The following AJAP1 variants were observed in gnomAD, a reference collection of about 807,000 sequenced individuals.
AJAP1 encodes the protein adherens junctions associated protein 1.
Under a neutral mutation model 35.0 loss-of-function variants are expected in AJAP1, and 5 were observed. The observed-to-expected ratio is 0.14, with a 90% confidence interval of 0.07 to 0.30. The LOEUF is 0.30. AJAP1 is among the 10% of genes least tolerant of loss of function. AJAP1 has a pLI of 1.00. For synonymous variants in AJAP1, 284 were observed against 249.3 expected (o/e 1.14, Z -1.31); for missense variants, 586 against 571.0 (o/e 1.03, Z -0.27).
At chr1:4,697,656 G>T (rs764830966) in intron 1 of AJAP1, among the ~76,000 whole-genome samples, 7 of 152,240 alleles carry the variant, frequency 4.6e-5, no homozygotes, top group Non-Finnish European at 8.8e-5. Flanking sequence ...CCTTGGGCAG[G>T]TGCGCCACCA....
At chr1:4,742,113 G>A (rs1641081447) in intron 2 of AJAP1, among the ~76,000 whole-genome samples, 1 of 152,188 alleles carries the variant, frequency 6.6e-6, no homozygotes, top group Non-Finnish European at 1.5e-5. Flanking sequence ...GGTGAACGTT[G>A]GATGGCAAAT....
chr1:4,744,946 G>C (rs1641156835), intron 2 of AJAP1, among the ~76,000 whole-genome samples: 1 of 152,048 alleles, frequency 6.6e-6, no homozygotes, highest in Non-Finnish European at 1.5e-5. Context: ...TCGGGGCTGG[G>C]AGGCTCCTGA....
chr1:4,703,926 C>T (rs1025830976), intron 1 of AJAP1, among the ~76,000 whole-genome samples: 3 of 152,226 alleles, frequency 2.0e-5, no homozygotes, highest in Non-Finnish European at 4.4e-5. Flanking sequence ...CCTGGCAGTG[C>T]AGGCTGTCTG....
chr1:4,690,731 C>A (rs1157911386), intron 1 of AJAP1, among the ~76,000 whole-genome samples: 6 of 152,168 alleles, frequency 3.9e-5, no homozygotes, highest in Admixed American at 3.9e-4. Flanking sequence ...CCAGGCCACA[C>A]GGTCCACAGA....
At chr1:4,678,273 A>G (rs1454047090) in intron 1 of AJAP1, among the ~76,000 whole-genome samples, 1 of 152,216 alleles carries the variant, frequency 6.6e-6, no homozygotes, top group East Asian at 1.9e-4. Flanking sequence ...ATATGAGTGA[A>G]TCTGGTCTAG....
intron 1 of AJAP1, among the ~76,000 whole-genome samples, chr1:4,674,674 G>C (rs1639325210): frequency 6.6e-6 from 1 of 152,160 alleles, no homozygotes; most frequent in African/African-American, 2.4e-5. Flanking sequence ...GCTGGTCTTG[G>C]GGCCTCCCTT....
intron 2 of AJAP1, among the ~76,000 whole-genome samples, chr1:4,747,917 T>G (rs1408536258): frequency 1.3e-5 from 2 of 150,422 alleles, no homozygotes; most frequent in Admixed American, 6.6e-5. Flanking sequence ...ACTTGAGCCC[T>G]GGAGGCCAAG....
intron 2 of AJAP1, among the ~76,000 whole-genome samples, chr1:4,760,293 G>A: frequency 6.6e-6 from 1 of 151,934 alleles, no homozygotes; most frequent in African/African-American, 2.4e-5. Flanking sequence ...GTGTGTGCAT[G>A]TGCGGGCATG....
At chr1:4,664,644 C>T (rs1473431887) in intron 1 of AJAP1, among the ~76,000 whole-genome samples, 2 of 152,020 alleles carry the variant, frequency 1.3e-5, no homozygotes, top group East Asian at 1.9e-4. Flanking sequence ...AGAGAGCTGG[C>T]GATTTTGCTC....
At chr1:4,735,784 A>G (rs1640907945) in intron 2 of AJAP1, among the ~76,000 whole-genome samples, 1 of 152,146 alleles carries the variant, frequency 6.6e-6, no homozygotes, top group Non-Finnish European at 1.5e-5. Context: ...CCGGGGTCCC[A>G]TCTTCCTGAA....
intron 2 of AJAP1, among the ~76,000 whole-genome samples, chr1:4,736,984 C>G (rs1640940757): frequency 6.6e-6 from 1 of 152,094 alleles, no homozygotes; most frequent in Non-Finnish European, 1.5e-5. Context: ...AAGCAAGGGC[C>G]CCGCTTAATC....
At chr1:4,769,762 G>A in intron 2 of AJAP1, 91 bp from the exon 3 acceptor site, 1 of 1,104,300 alleles carries the variant, frequency 9.1e-7, no homozygotes, top group East Asian at 2.4e-5. Context: ...CCCCAGCTGG[G>A]TTGGGGGGAT....
At chr1:4,698,844 C>G (rs948067337) in intron 1 of AJAP1, among the ~76,000 whole-genome samples, 1 of 152,226 alleles carries the variant, frequency 6.6e-6, no homozygotes, top group Non-Finnish European at 1.5e-5. Context: ...CTGAGCCCCT[C>G]TCAGTGGTGC....
At chr1:4,758,627 C>T (rs185530340) in intron 2 of AJAP1, among the ~76,000 whole-genome samples, 1 of 152,286 alleles carries the variant, frequency 6.6e-6, no homozygotes, top group East Asian at 1.9e-4. Flanking sequence ...CTTGGTCTCT[C>T]CCTTGACAAG....
Position 4,697,925 on chromosome 1 carries a change from C to A in AJAP1, c.30-13975C>A, listed in dbSNP as rs557494710. 5.4e-4 allele frequency among the ~76,000 whole-genome samples: 83 copies of A among 152,342 alleles called. 2 individuals carry two copies. In the South Asian group the frequency reaches 0.016, roughly 30 times the overall value. On this transcript the variant is annotated intron_variant, in intron 1 of 5. Coordinates refer to ENST00000378191, the MANE Select transcript of AJAP1 (RefSeq NM_018836.4). ...GCAAGAGCCAAGGGGACCGCTAAGT[C>A]CGCGTTCTGTGCTCTTTTCCTCCAG...
intron 1 of AJAP1, among the ~76,000 whole-genome samples, chr1:4,683,289 T>A (rs866458832): frequency 1.1e-4 from 17 of 152,196 alleles, no homozygotes; most frequent in Admixed American, 1.3e-4. Flanking sequence ...CCAGGGAAGA[T>A]CAGCTGATAG....
chr1:4,772,465 A>G lies in AJAP1; in HGVS notation c.1103A>G (p.Tyr368Cys). 1 of 1,614,230 alleles carries G rather than the reference A, an allele frequency of 6.2e-7. No individual in the cohort carries two copies. The highest frequency in any genetic ancestry group is 8.5e-7 in the Non-Finnish European group (1 of 1,180,046). ...HECVRASVPV[Y>C]TDETLHSTTG... is the part of the protein sequence containing the mutation. ...TGCGTCAGGGCATCTGTGCCCGTGTACACCGATGAGACGCTGCACTCGACG... is the reference window on the plus strand; with the variant it reads ...TGCGTCAGGGCATCTGTGCCCGTGTGCACCGATGAGACGCTGCACTCGACG... The change falls in exon 4 of 6, where the codon TAC becomes TGC. Residue 368 changes from tyrosine (Y) to cysteine (C), a missense_variant. By Grantham distance (194) the Tyr-to-Cys change is radical (BLOSUM62 -2). Transcript: ENST00000378191.
rs1001356839 is a variant in AJAP1, at chr1:4,778,880, C to T, written c.*60-3665C>T. ...GGACAAAACTGCTTCACACCTCTGCCGCGTCTCTGAGCCTCATCCGGTGTT... is the reference window on the plus strand; with the variant it reads ...GGACAAAACTGCTTCACACCTCTGCTGCGTCTCTGAGCCTCATCCGGTGTT... On this transcript the variant is annotated intron_variant, in intron 5 of 5. Transcript: ENST00000378191. Among the ~76,000 whole-genome samples, 12 of 152,164 alleles carry T rather than the reference C, an allele frequency of 7.9e-5. No individual in the cohort carries two copies. In the South Asian group the frequency reaches 8.3e-4, roughly 11 times the overall value.
intron 1 of AJAP1, among the ~76,000 whole-genome samples, chr1:4,680,086 A>G (rs1639450532): frequency 6.6e-6 from 1 of 152,116 alleles, no homozygotes; most frequent in Non-Finnish European, 1.5e-5. Flanking sequence ...GAAAAGACCA[A>G]TGTCCCAGCT....
Sources: gnomAD v4.1 joint callset for allele counts (sites outside exome capture counted in the v4.1 genomes callset) on GRCh38, gnomAD v4.1.1 for gene constraint, MANE v1.5 for transcripts, NCBI Gene and HGNC (gene_info 2026-07-23, HGNC 2026-07-21) for gene names.